Variants in ARHGAP40 observed in about 807,000 individuals in gnomAD.
ARHGAP40 encodes the protein rho GTPase-activating protein 40.
A neutral mutation model predicts 73.5 loss-of-function variants in ARHGAP40; 43 were observed. The observed-to-expected ratio is 0.58, with a 90% CI of 0.46 to 0.75. The LOEUF is 0.75. Among genes scored for constraint, ARHGAP40 ranks in the 30% least tolerant of loss-of-function variants. The pLI, the probability that ARHGAP40 is intolerant of heterozygous loss-of-function variation, is 0.00. For synonymous variants in ARHGAP40, 300 were observed against 352.8 expected (o/e 0.85, Z 1.68); for missense variants, 734 against 861.8 (o/e 0.85, Z 1.86).
intron 1 of ARHGAP40, 73 bp downstream of exon 1, chr20:38,602,152 A>C: frequency 8.3e-7 from 1 of 1,209,664 alleles, no homozygotes. Context: ...CTGTCTTCAC[A>C]ACATCCCTGT....
At chr20:38,606,833 G>A (rs1188559801) in intron 1 of ARHGAP40, among the ~76,000 whole-genome samples, 1 of 152,188 alleles carries the variant, frequency 6.6e-6, no homozygotes, top group Middle Eastern at 3.2e-3. Flanking sequence ...ACACCCCCTT[G>A]TATGTGAACG....
At chr20:38,611,292 A>G (rs1412258152) in intron 1 of ARHGAP40, among the ~76,000 whole-genome samples, 1 of 152,082 alleles carries the variant, frequency 6.6e-6, no homozygotes, top group African/African-American at 2.4e-5. Context: ...CATCATGGCT[A>G]CGAATTCAGT....
chr20:38,628,949 A>G (rs752084657), exon 4 of ARHGAP40: 21 of 1,304,284 alleles, frequency 1.6e-5, no homozygotes, highest in Non-Finnish European at 2.0e-6. Flanking sequence ...GAGAATGGCG[A>G]CTCCGGTATG....
intron 2 of ARHGAP40, among the ~76,000 whole-genome samples, chr20:38,626,438 GAGGTAA>G (rs559617483): frequency 1.6e-3 from 242 of 152,324 alleles, no homozygotes; most frequent in African/African-American, 5.3e-3. Context: ...AGAATCCCTG[GAGGTAA>G]GACCCGAGAT....
At chr20:38,611,036 C>T (rs978642154) in intron 1 of ARHGAP40, among the ~76,000 whole-genome samples, 2 of 151,840 alleles carry the variant, frequency 1.3e-5, no homozygotes, top group African/African-American at 4.8e-5. Flanking sequence ...ATTACAGGCA[C>T]CCACCACCAC....
Position 38,649,737 on chromosome 20 carries a change from T to TTCACCC in ARHGAP40, c.1937-19_1937-14dup, listed in dbSNP as rs2089076892. 1 of 1,299,974 alleles carries TTCACCC rather than the reference T, an allele frequency of 7.7e-7. No individual in the cohort carries two copies. The highest frequency in any genetic ancestry group is 1.0e-6 in the Non-Finnish European group (1 of 984,274). The allele number at this position is 1,299,974 out of a possible 1,614,324, so 80.5% of individuals were successfully genotyped here. A position where few individuals can be genotyped will look rare whatever the true frequency, so the allele number is the denominator to read the frequency against. ...TCCTACAGCCTCCCACTCAACCTCC[T>TTCACCC]TCACCCCTTCTTCCCACAGATGAGC... is the stretch of plus-strand genomic sequence containing the variant. On this transcript the variant is annotated intron_variant, in intron 14 of 14. Coordinates refer to ENST00000373345, the Ensembl canonical transcript of ARHGAP40.
exon 4 of ARHGAP40, chr20:38,628,951 T>C: frequency 7.7e-7 from 1 of 1,305,014 alleles, no homozygotes; most frequent in South Asian, 1.2e-5. Flanking sequence ...GAATGGCGAC[T>C]CCGGTATGAA....
At chr20:38,628,677 T>A (rs946364364) in intron 3 of ARHGAP40, among the ~76,000 whole-genome samples, 2 of 152,238 alleles carry the variant, frequency 1.3e-5, no homozygotes, top group African/African-American at 2.4e-5. Flanking sequence ...GGGCATCATC[T>A]TTCTTGGAGC....
At chr20:38,626,012 A>C (rs182341218) in intron 2 of ARHGAP40, among the ~76,000 whole-genome samples, 1 of 152,290 alleles carries the variant, frequency 6.6e-6, no homozygotes, top group African/African-American at 2.4e-5. Flanking sequence ...GTACAAACAA[A>C]AAAATGTCTG....
intron 11 of ARHGAP40, among the ~76,000 whole-genome samples, chr20:38,645,720 G>A (rs1453097875): frequency 6.6e-6 from 1 of 152,026 alleles, no homozygotes. Context: ...GTGTGTTTTG[G>A]GGACACCCCT....
At chr20:38,627,647 T>TGTGTTGGTGTGTGTGGGGG (rs2088910551) in intron 3 of ARHGAP40, among the ~76,000 whole-genome samples, 2 of 128,104 alleles carry the variant, frequency 1.6e-5, no homozygotes, top group African/African-American at 2.8e-5. Flanking sequence ...GTGTGTGGGG[T>TGTGTTGGTGTGTGTGGGGG]GTGTTGGTGT....
intron 11 of ARHGAP40, among the ~76,000 whole-genome samples, chr20:38,645,473 G>A (rs112519161): frequency 2.6e-5 from 4 of 152,178 alleles, no homozygotes; most frequent in Non-Finnish European, 5.9e-5. Flanking sequence ...GCTCTTCCCC[G>A]TGTGTGTCAC....
chr20:38,623,173 C>T (rs1360029402), intron 1 of ARHGAP40, among the ~76,000 whole-genome samples, 186 bp from the exon 2 acceptor site: 2 of 152,204 alleles, frequency 1.3e-5, no homozygotes, highest in Admixed American at 6.5e-5. Flanking sequence ...TTGCTGGTTT[C>T]CAAGGATCCC....
chr20:38,628,595 C>T (rs1360653811), intron 3 of ARHGAP40, among the ~76,000 whole-genome samples: 2 of 152,262 alleles, frequency 1.3e-5, no homozygotes, highest in Non-Finnish European at 1.5e-5. Flanking sequence ...TGAGCCACCA[C>T]GCCCGGCTGG....
intron 5 of ARHGAP40, among the ~76,000 whole-genome samples, chr20:38,632,825 T>A (rs1034980501): frequency 2.9e-4 from 44 of 150,538 alleles, no homozygotes; most frequent in African/African-American, 8.8e-4. Context: ...AAATTTTTTT[T>A]AAATAATTGG....
At chr20:38,641,595 C>T in intron 9 of ARHGAP40, 131 bp from the exon 10 acceptor site, 1 of 536,938 alleles carries the variant, frequency 1.9e-6, no homozygotes, top group South Asian at 1.8e-5. Context: ...AATAGTCCCA[C>T]ACCTTATGAA....
exon 9 of ARHGAP40, chr20:38,639,317 A>C: frequency 7.7e-7 from 1 of 1,305,504 alleles, no homozygotes; most frequent in South Asian, 1.2e-5. Flanking sequence ...TTTGCTCAAA[A>C]GGTTCATCCG....
exon 1 of ARHGAP40, chr20:38,602,005 C>T: frequency 7.8e-7 from 1 of 1,287,750 alleles, no homozygotes; most frequent in Non-Finnish European, 1.0e-6. Flanking sequence ...GGCCCCTAGC[C>T]TCACCGTGTC....
chr20:38,605,856 T>G (rs944886270), intron 1 of ARHGAP40, among the ~76,000 whole-genome samples: 2 of 152,204 alleles, frequency 1.3e-5, no homozygotes, highest in African/African-American at 4.8e-5. Flanking sequence ...TTATAATATC[T>G]TTTCCTGGAA....
Sources: allele counts gnomAD v4.1 joint callset (sites outside exome capture counted in the v4.1 genomes callset), GRCh38; gene constraint gnomAD v4.1.1; transcripts MANE v1.5; gene names NCBI Gene and HGNC (gene_info 2026-07-23, HGNC 2026-07-21).